LMX1A: variants seen among roughly 807,000 people sequenced by gnomAD.
LMX1A encodes LIM homeobox transcription factor 1-alpha.
In LMX1A, 15 loss-of-function variants were observed where a neutral mutation model predicts 49.1. The observed-to-expected ratio is 0.31, with a 90% CI of 0.20 to 0.47. The LOEUF (loss-of-function observed/expected upper bound fraction) is 0.47, where lower values mean the gene tolerates loss of function less well. Ranked by LOEUF, LMX1A falls within the 20% of genes least tolerant of loss-of-function variation. The pLI is 1.00. For synonymous variants in LMX1A, 167 were observed against 185.7 expected, an observed-to-expected ratio of 0.90 and a Z score of 0.82; for missense variants, 372 against 475.8, an observed-to-expected ratio of 0.78 and a Z score of 2.03.
chr1:165,210,732 G>A lies in LMX1A; in HGVS notation c.714C>T (p.Val238=), dbSNP rs1242644447. 9.9e-6 allele frequency: 16 copies of A among 1,613,986 alleles called. No individual in the cohort carries two copies. The highest frequency in any genetic ancestry group is 4.4e-5 in the South Asian group (4 of 91,050). ...TCTGGTTTTGGAACCACACCTGGACGACACGGACACTCAGCCCTGTCTCTG... is the reference window on the plus strand; with the variant it reads ...TCTGGTTTTGGAACCACACCTGGACAACACGGACACTCAGCCCTGTCTCTG... The part of the protein sequence containing the change: ...LAAETGLSVR[V]VQVWFQNQRA... Residue 238 remains valine, a synonymous_variant, in exon 6 of 9, where the codon GTC becomes GTT. Transcript: ENST00000342310.
At chr1:165,257,416 T>G (rs1653289089) in intron 3 of LMX1A, among the ~76,000 whole-genome samples, 2 of 148,788 alleles carry the variant, frequency 1.3e-5, no homozygotes, top group Admixed American at 6.8e-5. Flanking sequence ...ACTGCAGACA[T>G]GTAGGTAGGT....
intron 3 of LMX1A, among the ~76,000 whole-genome samples, chr1:165,351,099 T>C (rs1219721617): frequency 2.0e-5 from 3 of 152,262 alleles, no homozygotes; most frequent in African/African-American, 7.2e-5. Flanking sequence ...TGACACAGCC[T>C]GACTTCCTTA....
chr1:165,310,198 G>A (rs950219744), intron 3 of LMX1A, among the ~76,000 whole-genome samples: 21 of 152,246 alleles, frequency 1.4e-4, no homozygotes, highest in Admixed American at 4.6e-4. Flanking sequence ...GCTCTATGCA[G>A]TATGAATTTG....
intron 3 of LMX1A, among the ~76,000 whole-genome samples, chr1:165,328,539 T>C (rs1281015485): frequency 1.3e-5 from 2 of 152,220 alleles, no homozygotes; most frequent in Non-Finnish European, 2.9e-5. Flanking sequence ...GGGCCATATT[T>C]ACAATGCACC....
intron 2 of LMX1A, 99 bp from the exon 3 acceptor site, chr1:165,353,361 T>TC: frequency 1.1e-6 from 1 of 941,876 alleles, no homozygotes; most frequent in Non-Finnish European, 1.6e-6. Flanking sequence ...ATCCACGGAT[T>TC]CCCCCAGCGC....
intron 4 of LMX1A, among the ~76,000 whole-genome samples, chr1:165,230,077 T>C (rs1041332881): frequency 6.6e-6 from 1 of 152,224 alleles, no homozygotes; most frequent in Non-Finnish European, 1.5e-5. Flanking sequence ...TTTTGCCACT[T>C]GAGAGCACAA....
At chr1:165,226,443 C>T (rs1652037898) in intron 4 of LMX1A, among the ~76,000 whole-genome samples, 1 of 152,216 alleles carries the variant, frequency 6.6e-6, no homozygotes. Context: ...AATGTGTGGG[C>T]TTAGCTCAGT....
At chr1:165,296,966 T>C (rs1654638344) in intron 3 of LMX1A, among the ~76,000 whole-genome samples, 1 of 152,256 alleles carries the variant, frequency 6.6e-6, no homozygotes, top group African/African-American at 2.4e-5. Flanking sequence ...GAGTTAGATG[T>C]ACAGGAAGGT....
chr1:165,352,473 T>C (rs1413008156), intron 3 of LMX1A, among the ~76,000 whole-genome samples: 1 of 152,102 alleles, frequency 6.6e-6, no homozygotes, highest in Non-Finnish European at 1.5e-5. Flanking sequence ...AAGGCGACAG[T>C]GAAAGGGCGA....
At chr1:165,261,780 A>G (rs953882557) in intron 3 of LMX1A, among the ~76,000 whole-genome samples, 2 of 152,324 alleles carry the variant, frequency 1.3e-5, no homozygotes, top group East Asian at 1.9e-4. Context: ...GACAGTCACA[A>G]AAGACAAATA....
At chr1:165,329,055 A>G (rs1034983840) in intron 3 of LMX1A, among the ~76,000 whole-genome samples, 1 of 152,206 alleles carries the variant, frequency 6.6e-6, no homozygotes, top group Non-Finnish European at 1.5e-5. Context: ...TATTTTAAAA[A>G]AGAGGTTTAA....
intron 3 of LMX1A, among the ~76,000 whole-genome samples, chr1:165,348,973 C>T (rs530579957): frequency 6.6e-6 from 1 of 152,284 alleles, no homozygotes; most frequent in African/African-American, 2.4e-5. Context: ...AAAGGTTTCC[C>T]AAGGCCTGTG....
At chr1:165,246,631 T>C (rs1652857887) in intron 4 of LMX1A, among the ~76,000 whole-genome samples, 1 of 152,226 alleles carries the variant, frequency 6.6e-6, no homozygotes, top group Non-Finnish European at 1.5e-5. Context: ...AGTAATTTTG[T>C]TGGATAATTA....
chr1:165,347,007 G>A lies in LMX1A; in HGVS notation c.263+6069C>T, dbSNP rs546383572. ...CCAGATTTTATTTAATATATGACAA[G>A]GAGACACAAAGCTGCAGTCGACATT... On this transcript the variant is annotated intron_variant, in intron 3 of 8. Transcript: ENST00000342310. Among the ~76,000 whole-genome samples the A allele has an allele frequency of 1.0e-3, 158 of 152,282 alleles. 2 individuals carry two copies. In the South Asian group the frequency reaches 0.012, roughly 12 times the overall value.
At chr1:165,302,757 T>A (rs1426135050) in intron 3 of LMX1A, among the ~76,000 whole-genome samples, 1 of 152,222 alleles carries the variant, frequency 6.6e-6, no homozygotes, top group Non-Finnish European at 1.5e-5. Flanking sequence ...AGGACAATCA[T>A]CCTTATGTTT....
chr1:165,203,108 A>C lies in LMX1A; in HGVS notation c.*772T>G, dbSNP rs568803721. 6.6e-6 allele frequency: 1 copy of C among 152,668 alleles called. No homozygotes were observed. Among genetic ancestry groups the C allele is most frequent in the Non-Finnish European group, 1.5e-5 (1 of 68,052 alleles). 9.5% of individuals were successfully genotyped at this position (152,668 alleles called of 1,614,324 possible). On this transcript the variant is annotated 3_prime_UTR_variant, in exon 9 of 9. Coordinates refer to ENST00000342310, the MANE Select transcript of LMX1A (RefSeq NM_177398.4). The stretch of plus-strand genomic sequence containing the variant: ...GGGCTTTACATTTTCTCAGAACATG[A>C]TCAGAGATTATTCTGTCCCACCCCT...
intron 7 of LMX1A, among the ~76,000 whole-genome samples, chr1:165,207,320 T>C (rs551534226): frequency 6.6e-6 from 1 of 152,248 alleles, no homozygotes; most frequent in African/African-American, 2.4e-5. Context: ...TTTTTTTTTT[T>C]CCTTTAACTT....
chr1:165,288,654 C>G (rs1218901130), intron 3 of LMX1A, among the ~76,000 whole-genome samples: 1 of 152,212 alleles, frequency 6.6e-6, no homozygotes, highest in Non-Finnish European at 1.5e-5. Flanking sequence ...GTGTGTTCCC[C>G]AGGGACTGTT....
At chr1:165,289,852 C>A (rs1029771790) in intron 3 of LMX1A, among the ~76,000 whole-genome samples, 1 of 152,224 alleles carries the variant, frequency 6.6e-6, no homozygotes, top group African/African-American at 2.4e-5. Context: ...TGCATTTAAG[C>A]TCTCAGCAGT....
Sources: allele counts gnomAD v4.1 joint callset (sites outside exome capture counted in the v4.1 genomes callset), GRCh38; gene constraint gnomAD v4.1.1; transcripts MANE v1.5; gene names NCBI Gene and HGNC (gene_info 2026-07-23, HGNC 2026-07-21).